The following NKAIN2 variants were observed in gnomAD, a reference collection of about 807,000 sequenced individuals.
The protein encoded by NKAIN2 is sodium/potassium-transporting ATPase subunit beta-1-interacting protein 2.
Under a neutral mutation model 32.6 loss-of-function variants are expected in NKAIN2, and 14 were observed. The observed-to-expected ratio is 0.43, with a 90% CI of 0.28 to 0.67. The LOEUF (loss-of-function observed/expected upper bound fraction) is 0.67. NKAIN2 is among the 30% of genes least tolerant of loss of function. NKAIN2 has a pLI of 0.17. For synonymous variants in NKAIN2, 80 were observed against 87.2 expected (o/e 0.92, Z 0.46); for missense variants, 198 against 258.3 (o/e 0.77, Z 1.60).
chr6:124,586,918 G>C (rs1301374665), intron 3 of NKAIN2, among the ~76,000 whole-genome samples: 2 of 152,148 alleles, frequency 1.3e-5, no homozygotes, highest in Non-Finnish European at 2.9e-5. Flanking sequence ...CTGAGTGAGA[G>C]AAGCCACACT....
chr6:124,580,916 A>C (rs1278453254), intron 3 of NKAIN2, among the ~76,000 whole-genome samples: 2 of 152,256 alleles, frequency 1.3e-5, no homozygotes, highest in African/African-American at 4.8e-5. Flanking sequence ...AGATTTAAAA[A>C]CAAAAACTAT....
chr6:124,414,698 T>C (rs1377624847), intron 3 of NKAIN2, among the ~76,000 whole-genome samples: 1 of 152,170 alleles, frequency 6.6e-6, no homozygotes, highest in Non-Finnish European at 1.5e-5. Flanking sequence ...GTTTATTTGG[T>C]TTTCTATTTC....
At chr6:123,812,760 C>T (rs1287368719) in intron 1 of NKAIN2, among the ~76,000 whole-genome samples, 1 of 152,184 alleles carries the variant, frequency 6.6e-6, no homozygotes, top group East Asian at 1.9e-4. Flanking sequence ...AATCCTCATA[C>T]TGACTTTTGT....
At chr6:124,766,508 C>T (rs1459361852) in intron 4 of NKAIN2, among the ~76,000 whole-genome samples, 1 of 152,188 alleles carries the variant, frequency 6.6e-6, no homozygotes, top group African/African-American at 2.4e-5. Flanking sequence ...TTGTGTAAAA[C>T]CTCATCATTC....
chr6:124,515,024 T>G (rs576066659), intron 3 of NKAIN2, among the ~76,000 whole-genome samples: 1 of 152,308 alleles, frequency 6.6e-6, no homozygotes, highest in East Asian at 1.9e-4. Context: ...AATCACATTT[T>G]TGAGATTTTC....
At chr6:124,503,729 G>T (rs550284184) in intron 3 of NKAIN2, among the ~76,000 whole-genome samples, 1 of 152,140 alleles carries the variant, frequency 6.6e-6, no homozygotes, top group Non-Finnish European at 1.5e-5. Context: ...AACTGACTCA[G>T]TTATTGCCAA....
At chr6:123,851,244 AT>A (rs59287833) in intron 1 of NKAIN2, among the ~76,000 whole-genome samples, 632 of 88,144 alleles carry the variant, frequency 7.2e-3, no homozygotes, top group Admixed American at 0.02. Flanking sequence ...TGGTGGTTCT[AT>A]TTTTTTTTTT....
intron 4 of NKAIN2, among the ~76,000 whole-genome samples, chr6:124,709,524 A>G (rs1167579647): frequency 6.6e-6 from 1 of 151,086 alleles, no homozygotes; most frequent in African/African-American, 2.4e-5. Flanking sequence ...AGCTCCTGTT[A>G]TTGGTCTATT....
chr6:124,758,437 G>A lies in NKAIN2; in HGVS notation c.475-32902G>A, dbSNP rs201382816. ...AGCCAGGAAGAGGACCCCACCAGACGCAGAATCTGCCGGCACCTTAATCTT... is the reference window on the plus strand; with the variant it reads ...AGCCAGGAAGAGGACCCCACCAGACACAGAATCTGCCGGCACCTTAATCTT... On this transcript the variant is annotated intron_variant, in intron 4 of 6. Coordinates refer to ENST00000368417, the MANE Select transcript of NKAIN2 (RefSeq NM_001040214.3). 3.9e-5 allele frequency among the ~76,000 whole-genome samples: 6 copies of A among 152,246 alleles called. No homozygotes were observed. In the East Asian group the frequency reaches 7.8e-4, roughly 20 times the overall value.
intron 3 of NKAIN2, among the ~76,000 whole-genome samples, chr6:124,564,935 A>AT (rs796156162): frequency 3.0e-4 from 45 of 150,784 alleles, no homozygotes; most frequent in South Asian, 1.5e-3. Context: ...TTCCCCTTCC[A>AT]TTTTTTTTTC....
At chr6:124,346,226 C>T (rs1562503504) in intron 2 of NKAIN2, among the ~76,000 whole-genome samples, 2 of 152,120 alleles carry the variant, frequency 1.3e-5, no homozygotes, top group Non-Finnish European at 2.9e-5. Context: ...TGTTCTTTTA[C>T]ATTTGCTGAG....
At chr6:124,385,182 T>C (rs772677664) in intron 3 of NKAIN2, among the ~76,000 whole-genome samples, 5 of 152,158 alleles carry the variant, frequency 3.3e-5, no homozygotes, top group Non-Finnish European at 7.3e-5. Context: ...TATTTTCTTT[T>C]AGCCAGCTAT....
intron 1 of NKAIN2, among the ~76,000 whole-genome samples, chr6:123,997,178 AT>A (rs1779654591): frequency 6.6e-6 from 1 of 152,202 alleles, no homozygotes; most frequent in African/African-American, 2.4e-5. Flanking sequence ...ATTTCTATTT[AT>A]TTTAGGCTGA....
At chr6:124,191,426 A>C (rs1790016056) in intron 1 of NKAIN2, among the ~76,000 whole-genome samples, 1 of 152,072 alleles carries the variant, frequency 6.6e-6, no homozygotes. Context: ...TTTCCAGTTT[A>C]TAGAAATATA....
At chr6:124,638,521 TAATAACCAA>T (rs1783856866) in intron 3 of NKAIN2, among the ~76,000 whole-genome samples, 1 of 151,882 alleles carries the variant, frequency 6.6e-6, no homozygotes, top group African/African-American at 2.4e-5. Flanking sequence ...TACAAGAGAT[TAATAACCAA>T]AATGTACAAA....
chr6:124,264,984 C>T (rs547233286), intron 1 of NKAIN2, among the ~76,000 whole-genome samples: 25 of 152,184 alleles, frequency 1.6e-4, no homozygotes, highest in African/African-American at 6.0e-4. Context: ...GCATAAATTT[C>T]ACCATTTATG....
chr6:123,842,684 T>C (rs939559686), intron 1 of NKAIN2, among the ~76,000 whole-genome samples: 6 of 152,116 alleles, frequency 3.9e-5, no homozygotes, highest in African/African-American at 7.2e-5. Context: ...GTTTTTTTTT[T>C]CCCTAATTTA....
chr6:123,819,855 T>C (rs575290422), intron 1 of NKAIN2, among the ~76,000 whole-genome samples: 43 of 152,338 alleles, frequency 2.8e-4, no homozygotes, highest in African/African-American at 1.0e-3. Context: ...GAGAAAGAGT[T>C]TGTTCATTGC....
chr6:123,865,222 G>A (rs1775936546), intron 1 of NKAIN2, among the ~76,000 whole-genome samples: 1 of 151,886 alleles, frequency 6.6e-6, no homozygotes, highest in South Asian at 2.1e-4. Flanking sequence ...CAAGTCTCTT[G>A]GATATTTTGG....
Sources: gnomAD v4.1 joint callset for allele counts (sites outside exome capture counted in the v4.1 genomes callset) on GRCh38, gnomAD v4.1.1 for gene constraint, MANE v1.5 for transcripts, NCBI Gene and HGNC (gene_info 2026-07-23, HGNC 2026-07-21) for gene names.